MAP3K4: variants seen among roughly 807,000 people sequenced by gnomAD.
MAP3K4 encodes the protein mitogen-activated protein kinase kinase kinase 4, also known as MAP three kinase 1.
In MAP3K4, 67 loss-of-function variants were observed where a neutral mutation model predicts 185.6. The observed-to-expected ratio is 0.36, with a 90% CI of 0.30 to 0.44. The LOEUF (loss-of-function observed/expected upper bound fraction) is 0.44, where lower values mean the gene tolerates loss of function less well. Among genes scored for constraint, MAP3K4 ranks in the 20% least tolerant of loss-of-function variants. The pLI is 1.00. For synonymous variants in MAP3K4, 702 were observed against 710.4 expected (o/e 0.99, Z 0.19); for missense variants, 1,551 against 1,995.1 (o/e 0.78, Z 4.24).
Position 161,112,845 on chromosome 6 carries a change from G to C in MAP3K4, c.4626+71G>C, listed in dbSNP as rs1354687216. 8.1e-6 allele frequency: 8 copies of C among 986,836 alleles called. No homozygotes were observed. The highest frequency in any genetic ancestry group is 1.7e-5 in the African/African-American group (1 of 60,600). 61.1% of individuals were successfully genotyped at this position (986,836 alleles called of 1,614,324 possible). A position where few individuals can be genotyped will look rare whatever the true frequency, so the allele number is the denominator to read the frequency against. On this transcript the variant is annotated intron_variant, in intron 25 of 26. Transcript: ENST00000392142. This position sits in a 1 kb window ranked among gnomAD's most constrained non-coding sequence, Gnocchi z 5.1. ...TGTGCATTAACAGAACAGTAGTTATGGATTGATTATTTATTACAAACACTG... is the reference window on the plus strand; with the variant it reads ...TGTGCATTAACAGAACAGTAGTTATCGATTGATTATTTATTACAAACACTG...
In MAP3K4 at chr6:161,086,493, C is replaced by T; in HGVS notation, c.2472+15C>T. 1.2e-6 allele frequency: 2 copies of T among 1,609,010 alleles called. No homozygotes were observed. The highest frequency in any genetic ancestry group is 2.2e-5 in the South Asian group (2 of 90,452). On this transcript the variant is annotated intron_variant, in intron 8 of 26. Coordinates refer to ENST00000392142, the MANE Select transcript of MAP3K4 (RefSeq NM_005922.4). This position sits in a 1 kb window ranked among gnomAD's most constrained non-coding sequence, Gnocchi z 4.8. ...TGTTGAGAAAGGTGAGCTTGCAATCCTGATTAATTAGTACCTTTTTTCTTG... is the reference window on the plus strand; with the variant it reads ...TGTTGAGAAAGGTGAGCTTGCAATCTTGATTAATTAGTACCTTTTTTCTTG...
intron 1 of MAP3K4, among the ~76,000 whole-genome samples, chr6:161,029,875 A>G (rs1174576476): frequency 1.3e-5 from 2 of 152,164 alleles, no homozygotes; most frequent in African/African-American, 4.8e-5. Flanking sequence ...TAAAGAAAAA[A>G]GAATAAAACT....
At chr6:161,059,916 A>C (rs915619648) in intron 3 of MAP3K4, among the ~76,000 whole-genome samples, 5 of 150,622 alleles carry the variant, frequency 3.3e-5, no homozygotes, top group African/African-American at 1.2e-4. Context: ...GTAGGGTCTG[A>C]ATTTTTATGA....
chr6:161,099,073 G>C (rs1777713960), intron 17 of MAP3K4, among the ~76,000 whole-genome samples: 1 of 152,178 alleles, frequency 6.6e-6, no homozygotes, highest in Non-Finnish European at 1.5e-5. Flanking sequence ...ATTTCATCAT[G>C]TTCTCCTATC....
intron 11 of MAP3K4, among the ~76,000 whole-genome samples, chr6:161,090,392 A>G (rs941754816): frequency 6.6e-6 from 1 of 151,494 alleles, no homozygotes; most frequent in Admixed American, 6.6e-5. Flanking sequence ...TTGGATGTGG[A>G]CGTTTGGGCC....
Position 161,049,667 on chromosome 6 carries a change from A to C in MAP3K4, c.1395A>C (p.Gln465His), listed in dbSNP as rs1341986534. ...GTACGGATGAGAGTGAAGAAGAACA[A>C]ATCTCTGATCCTAGGGTACCGGAAA... ...ESSTDESEEE[Q>H]ISDPRVPEIR... The change falls in exon 3 of 27, where the codon CAA becomes CAC. Residue 465 changes from glutamine (Q) to histidine (H), a missense_variant. Coordinates refer to ENST00000392142, the MANE Select transcript of MAP3K4 (RefSeq NM_005922.4). This position sits in a 1 kb window ranked among gnomAD's most constrained non-coding sequence, Gnocchi z 8.4. 1 of 1,614,032 alleles carries C rather than the reference A, an allele frequency of 6.2e-7. No individual in the cohort carries two copies. Among genetic ancestry groups the C allele is most frequent in the African/African-American group, 1.3e-5 (1 of 74,922 alleles).
intron 1 of MAP3K4, among the ~76,000 whole-genome samples, chr6:161,009,125 C>G (rs547545869): frequency 4.6e-5 from 7 of 151,928 alleles, no homozygotes; most frequent in Non-Finnish European, 1.0e-4. Flanking sequence ...GCTGGGACTA[C>G]AGGTGCGCGC....
At position 161,108,620 on chromosome 6, in the gene MAP3K4, G is replaced by C. The variant is rs1583245783; in HGVS notation, c.4120-123G>C. On this transcript the variant is annotated intron_variant, in intron 21 of 26. Coordinates refer to ENST00000392142, the MANE Select transcript of MAP3K4 (RefSeq NM_005922.4). This position sits in a 1 kb window ranked among gnomAD's most constrained non-coding sequence, Gnocchi z 5.7. ...CTTCCTTTTTACTTAATTTTTTGTT[G>C]TTTTTAATTGACAAATCATGATTAC... 1.5e-6 allele frequency: 1 copy of C among 676,782 alleles called. No homozygotes were observed. The allele number at this position is 676,782 out of a possible 1,614,324, so 41.9% of individuals were successfully genotyped here.
chr6:161,010,427 A>G (rs919313644), intron 1 of MAP3K4, among the ~76,000 whole-genome samples: 21 of 152,356 alleles, frequency 1.4e-4, no homozygotes, highest in African/African-American at 4.8e-4. Context: ...TTTTAGGCTA[A>G]TAAAAGTGTT....
rs6901507 is a variant in MAP3K4, at chr6:161,114,299, A to C, written c.4627-824A>C. 6.6e-6 allele frequency among the ~76,000 whole-genome samples: 1 copy of C among 152,226 alleles called. No homozygotes were observed. Among genetic ancestry groups the C allele is most frequent in the African/African-American group, 2.4e-5 (1 of 41,444 alleles). On this transcript the variant is annotated intron_variant, in intron 25 of 26. Transcript: ENST00000392142. This position sits in a 1 kb window ranked among gnomAD's most constrained non-coding sequence, Gnocchi z 4.3. ...ATGTAAAAAGACACGCATGAACTGC[A>C]CATGGTAGCTTACCGTACACATACA...
chr6:161,010,272 T>C (rs2115075800), intron 1 of MAP3K4, among the ~76,000 whole-genome samples: 1 of 152,338 alleles, frequency 6.6e-6, no homozygotes, highest in East Asian at 1.9e-4. Context: ...TCAGTAACTT[T>C]CTTTGTTGAT....
intron 19 of MAP3K4, among the ~76,000 whole-genome samples, chr6:161,105,157 A>C (rs1778012999): frequency 6.6e-6 from 1 of 152,254 alleles, no homozygotes; most frequent in African/African-American, 2.4e-5. Context: ...GGATGAAATC[A>C]GAATCACATG....
chr6:161,086,779 T>C lies in MAP3K4; in HGVS notation c.2556+112T>C, dbSNP rs1785737434. ...AGTAAATATTACAGGCTCTGAAGGCTGTACCACAACCCCAGTTGTAAGACT... is the reference window on the plus strand; with the variant it reads ...AGTAAATATTACAGGCTCTGAAGGCCGTACCACAACCCCAGTTGTAAGACT... On this transcript the variant is annotated intron_variant, in intron 9 of 26. Transcript: ENST00000392142. The surrounding 1 kb of genome is among the most constrained non-coding windows in gnomAD (Gnocchi z 4.8). 4 of 766,190 alleles carry C rather than the reference T, an allele frequency of 5.2e-6. No homozygotes were observed. The highest frequency in any genetic ancestry group is 8.4e-6 in the Non-Finnish European group (4 of 474,984). The allele number at this position is 766,190 out of a possible 1,614,324, so 47.5% of individuals were successfully genotyped here. A position where few individuals can be genotyped will look rare whatever the true frequency, so the allele number is the denominator to read the frequency against.
chr6:161,101,794 G>T lies in MAP3K4; in HGVS notation c.3675-98G>T, dbSNP rs750474630. 231 of 963,266 alleles carry T rather than the reference G, an allele frequency of 2.4e-4. No individual in the cohort carries two copies. Among genetic ancestry groups the T allele is most frequent in the Non-Finnish European group, 3.5e-4 (221 of 628,710 alleles). 59.7% of individuals were successfully genotyped at this position (963,266 alleles called of 1,614,324 possible). A position where few individuals can be genotyped will look rare whatever the true frequency, so the allele number is the denominator to read the frequency against. Reference sequence around the variant, plus strand: ...AGAGTTGTTCCTGGCAGGCAGAGTTGCCCCCAGTTGAGAATTATTGCTCTA... The same window carrying T: ...AGAGTTGTTCCTGGCAGGCAGAGTTTCCCCCAGTTGAGAATTATTGCTCTA... On this transcript the variant is annotated intron_variant, in intron 17 of 26. Coordinates refer to ENST00000392142, the MANE Select transcript of MAP3K4 (RefSeq NM_005922.4). The surrounding 1 kb of genome is among the most constrained non-coding windows in gnomAD (Gnocchi z 5.1).
At chr6:161,050,931 G>A (rs1027319507) in intron 3 of MAP3K4, among the ~76,000 whole-genome samples, 3 of 152,130 alleles carry the variant, frequency 2.0e-5, no homozygotes, top group Non-Finnish European at 4.4e-5. Flanking sequence ...GACTTCCCAC[G>A]GATCCCAAAA....
chr6:161,014,862 A>T (rs1471374541), intron 1 of MAP3K4, among the ~76,000 whole-genome samples: 3 of 152,328 alleles, frequency 2.0e-5, no homozygotes, highest in Non-Finnish European at 1.5e-5. Flanking sequence ...CAAACATTTT[A>T]ATCACCTTGA....
At position 161,034,492 on chromosome 6, in the gene MAP3K4, G is replaced by A. The variant is rs1207167902; in HGVS notation, c.343+43G>A. On this transcript the variant is annotated intron_variant, in intron 2 of 26. Coordinates refer to ENST00000392142, the MANE Select transcript of MAP3K4 (RefSeq NM_005922.4). The surrounding 1 kb of genome is among the most constrained non-coding windows in gnomAD (Gnocchi z 4.4). ...AAAGAGGTGTACATGAGAGGGTATG[G>A]CACTTGATTGATTCTTTCAACAATA... 2.8e-6 allele frequency: 4 copies of A among 1,429,760 alleles called. No individual in the cohort carries two copies. In the South Asian group the frequency reaches 4.0e-5, roughly 14 times the overall value. 88.6% of individuals were successfully genotyped at this position (1,429,760 alleles called of 1,614,324 possible). A position where few individuals can be genotyped will look rare whatever the true frequency, so the allele number is the denominator to read the frequency against.
rs1319324754 is a variant in MAP3K4, at chr6:161,115,148, A to G, written c.4652A>G (p.Asn1551Ser). ...AGGCCTTGGCATGAGTATGAGCACA[A>G]CTTTCAAATTATGTATAAAGTGGGG... Reference protein sequence around the residue: ...GKRPWHEYEHNFQIMYKVGMG... With the variant: ...GKRPWHEYEHSFQIMYKVGMG... Residue 1551 changes from asparagine to serine, a missense_variant, in exon 26 of 27, where the codon AAC becomes AGC. Asn to Ser is a conservative substitution (Grantham distance 46). This residue lies in a region of MAP3K4 where 159 missense variants were observed against 300.5 expected (regional missense o/e 0.53). Coordinates refer to ENST00000392142, the MANE Select transcript of MAP3K4 (RefSeq NM_005922.4). This position sits in a 1 kb window ranked among gnomAD's most constrained non-coding sequence, Gnocchi z 6.0. 2.5e-6 allele frequency: 4 copies of G among 1,613,822 alleles called. No homozygotes were observed. The highest frequency in any genetic ancestry group is 3.3e-5 in the Admixed American group (2 of 59,940).
rs1780982071 is a variant in MAP3K4, at chr6:160,996,189, G to A, written c.152+4106G>A. Among the ~76,000 whole-genome samples the A allele has an allele frequency of 6.6e-6, 1 of 152,192 alleles. No homozygotes were observed. The highest frequency in any genetic ancestry group is 1.5e-5 in the Non-Finnish European group (1 of 68,042). On this transcript the variant is annotated intron_variant, in intron 1 of 26. Coordinates refer to ENST00000392142, the MANE Select transcript of MAP3K4 (RefSeq NM_005922.4). This position sits in a 1 kb window ranked among gnomAD's most constrained non-coding sequence, Gnocchi z 4.5. ...TCCAGACTGTTGGTGTAGCATCAGT[G>A]ATGGTCATGCCTTTACACCACTGTA...
Sources: gnomAD v4.1 joint callset for allele counts (sites outside exome capture counted in the v4.1 genomes callset) on GRCh38, gnomAD v4.1.1 for gene constraint, gnomAD v4.1.1 regional missense constraint, Gnocchi (gnomAD v3.1) non-coding constraint, MANE v1.5 for transcripts, NCBI Gene and HGNC (gene_info 2026-07-23, HGNC 2026-07-21) for gene names.